Variants in KCNQ1 observed in about 807,000 individuals in gnomAD.
The protein encoded by KCNQ1 is potassium voltage-gated channel subfamily KQT member 1.
KCNQ1 carries 49 observed loss-of-function variants against 72.4 expected under a neutral mutation model. That is an observed-to-expected ratio of 0.68 (90% CI 0.54 to 0.86). The LOEUF is 0.86. KCNQ1 is among the 40% of genes least tolerant of loss of function. The pLI is 0.00. For synonymous variants in KCNQ1, 450 were observed against 412.6 expected, an observed-to-expected ratio of 1.09 and a Z score of -1.10; for missense variants, 790 against 945.1, an observed-to-expected ratio of 0.84 and a Z score of 2.15.
Position 2,458,661 on chromosome 11 carries a change from A to ATGGATGGG in KCNQ1, c.386+13184_386+13185insGTGGATGG. Among the ~76,000 whole-genome samples the ATGGATGGG allele has an allele frequency of 1.1e-5, 1 of 87,988 alleles. No homozygotes were observed. The highest frequency in any genetic ancestry group is 5.9e-3 in the Middle Eastern group (1 of 170). The allele number at this position is 87,988 out of a possible 152,430, so 57.7% of individuals were successfully genotyped here. The stretch of plus-strand genomic sequence containing the variant: ...GATGGATGGATGGATGGATGGATGG[A>ATGGATGGG]TGGATGGATGGATGGATGGATGGAT... On this transcript the variant is annotated intron_variant, in intron 1 of 15. Transcript: ENST00000155840. The surrounding 1 kb of genome is among the most constrained non-coding windows in gnomAD (Gnocchi z 4.6).
Position 2,663,169 on chromosome 11 carries a change from TCA to T in KCNQ1, c.1514+1091_1514+1092del, listed in dbSNP as rs939358550. ...CACTGTCTTTCCAGGCCCCCCCAGT[TCA>T]CAGAGAGGTTGGCAGTACCTCATGG... is the stretch of plus-strand genomic sequence containing the variant. On this transcript the variant is annotated intron_variant, in intron 11 of 15. Transcript: ENST00000155840. The surrounding 1 kb of genome is among the most constrained non-coding windows in gnomAD (Gnocchi z 5.2). 8.5e-5 allele frequency: 34 copies of T among 398,708 alleles called. No individual in the cohort carries two copies. Among genetic ancestry groups the T allele is most frequent in the African/African-American group, 5.1e-4 (25 of 48,730 alleles). The allele number at this position is 398,708 out of a possible 1,614,324, so 24.7% of individuals were successfully genotyped here. A position where few individuals can be genotyped will look rare whatever the true frequency, so the allele number is the denominator to read the frequency against.
intron 1 of KCNQ1, among the ~76,000 whole-genome samples, chr11:2,513,072 G>C (rs1847235422): frequency 6.6e-6 from 1 of 152,100 alleles, no homozygotes; most frequent in Non-Finnish European, 1.5e-5. Flanking sequence ...TTGGAGGAGA[G>C]AGCTCCCGAG....
intron 1 of KCNQ1, among the ~76,000 whole-genome samples, chr11:2,505,516 T>C (rs947585609): frequency 1.8e-4 from 27 of 152,206 alleles, no homozygotes; most frequent in Non-Finnish European, 1.5e-4. Context: ...TCCTCTATTC[T>C]GTAACTTATC....
At chr11:2,470,344 C>G (rs1846426691) in intron 1 of KCNQ1, among the ~76,000 whole-genome samples, 1 of 152,054 alleles carries the variant, frequency 6.6e-6, no homozygotes, top group African/African-American at 2.4e-5. Context: ...AGGGGAGGGG[C>G]ATCAAGTGAG....
At chr11:2,449,875 C>T (rs1323629277) in intron 1 of KCNQ1, among the ~76,000 whole-genome samples, 2 of 152,178 alleles carry the variant, frequency 1.3e-5, no homozygotes, top group Non-Finnish European at 2.9e-5. Flanking sequence ...CACGAGCAAG[C>T]GTCCTCGAGT....
Position 2,651,454 on chromosome 11 carries a change from T to C in KCNQ1, c.1394-10507T>C, listed in dbSNP as rs1328043699. The C allele has an allele frequency of 7.5e-6, 3 of 398,556 alleles. No individual in the cohort carries two copies. The highest frequency in any genetic ancestry group is 2.1e-5 in the African/African-American group (1 of 48,614). The allele number at this position is 398,556 out of a possible 1,614,324, so 24.7% of individuals were successfully genotyped here. On this transcript the variant is annotated intron_variant, in intron 10 of 15. Transcript: ENST00000155840. This position sits in a 1 kb window ranked among gnomAD's most constrained non-coding sequence, Gnocchi z 6.1. Reference sequence around the variant, plus strand: ...CTCAGCAAGTGCCTGAAGTCAGAGGTAGTGCTTATGAAAGTATCTGGTGGG... The same window carrying C: ...CTCAGCAAGTGCCTGAAGTCAGAGGCAGTGCTTATGAAAGTATCTGGTGGG...
At chr11:2,632,223 T>G in intron 10 of KCNQ1, 1 of 398,168 alleles carries the variant, frequency 2.5e-6, no homozygotes, top group Non-Finnish European at 4.4e-6. Flanking sequence ...CTGAATTTTG[T>G]GTACTGACTT....
At chr11:2,551,177 C>A (rs183982133) in intron 2 of KCNQ1, among the ~76,000 whole-genome samples, 1 of 152,290 alleles carries the variant, frequency 6.6e-6, no homozygotes, top group Admixed American at 6.5e-5. Context: ...TTCGATGAGT[C>A]CTGGCAAACA....
At chr11:2,793,058 C>G (rs1445505720) in intron 15 of KCNQ1, among the ~76,000 whole-genome samples, 1 of 152,216 alleles carries the variant, frequency 6.6e-6, no homozygotes. Flanking sequence ...AGGGTGAACA[C>G]CCCGTCAGGG....
chr11:2,487,472 A>G (rs979442184), intron 1 of KCNQ1, among the ~76,000 whole-genome samples: 7 of 152,180 alleles, frequency 4.6e-5, no homozygotes, highest in African/African-American at 1.7e-4. Flanking sequence ...GGTAGTATTG[A>G]TATCTCAACA....
rs181182895 is a variant in KCNQ1, at chr11:2,528,107, A to G, written c.477+89A>G. 7 of 1,109,056 alleles carry G rather than the reference A, an allele frequency of 6.3e-6. No individual in the cohort carries two copies. The African/African-American group carries it at 9.2e-5, about 15-fold the overall frequency. The allele number at this position is 1,109,056 out of a possible 1,614,324, so 68.7% of individuals were successfully genotyped here. A position where few individuals can be genotyped will look rare whatever the true frequency, so the allele number is the denominator to read the frequency against. On this transcript the variant is annotated intron_variant, in intron 2 of 15. Coordinates refer to ENST00000155840, the MANE Select transcript of KCNQ1 (RefSeq NM_000218.3). Reference sequence around the variant, plus strand: ...CGCTGGGCCCCATAAGGTGGGGGGCAGAGCCACTCCCAGCCCCTTGCCCAC... The same window carrying G: ...CGCTGGGCCCCATAAGGTGGGGGGCGGAGCCACTCCCAGCCCCTTGCCCAC...
chr11:2,670,064 G>A lies in KCNQ1; in HGVS notation c.1514+7983G>A. On this transcript the variant is annotated intron_variant, in intron 11 of 15. Coordinates refer to ENST00000155840, the MANE Select transcript of KCNQ1 (RefSeq NM_000218.3). The surrounding 1 kb of genome is among the most constrained non-coding windows in gnomAD (Gnocchi z 4.9). ...CCTAGCACTCACTATTCTGCTCTGG[G>A]GAGGGGGTTGGAGGCAGAATCAGTG... 1 of 398,704 alleles carries A rather than the reference G, an allele frequency of 2.5e-6. No individual in the cohort carries two copies. The highest frequency in any genetic ancestry group is 4.4e-6 in the Non-Finnish European group (1 of 226,128). The allele number at this position is 398,704 out of a possible 1,614,324, so 24.7% of individuals were successfully genotyped here. A position where few individuals can be genotyped will look rare whatever the true frequency, so the allele number is the denominator to read the frequency against.
chr11:2,497,252 A>C lies in KCNQ1; in HGVS notation c.387-30676A>C, dbSNP rs188837908. 6.6e-6 allele frequency among the ~76,000 whole-genome samples: 1 copy of C among 152,216 alleles called. No homozygotes were observed. The highest frequency in any genetic ancestry group is 1.9e-4 in the East Asian group (1 of 5,172). ...GGAAGTTCTCCTGGATAATATCCTGAAGTGTGTTTTCCAACTTGGTTCCAT... is the reference window on the plus strand; with the variant it reads ...GGAAGTTCTCCTGGATAATATCCTGCAGTGTGTTTTCCAACTTGGTTCCAT... On this transcript the variant is annotated intron_variant, in intron 1 of 15. Transcript: ENST00000155840. The surrounding 1 kb of genome is among the most constrained non-coding windows in gnomAD (Gnocchi z 4.5).
rs1045777788 is a variant in KCNQ1, at chr11:2,715,901, A to T, written c.1515-52943A>T. On this transcript the variant is annotated intron_variant, in intron 11 of 15. Transcript: ENST00000155840. This position sits in a 1 kb window ranked among gnomAD's most constrained non-coding sequence, Gnocchi z 4.9. The stretch of plus-strand genomic sequence containing the variant: ...AGAGCTTGGGTGATTGAGTGGGTAG[A>T]GGGGGTGGCCAGAGTGGGAACCATG... Among the ~76,000 whole-genome samples the T allele has an allele frequency of 2.0e-5, 3 of 152,132 alleles. No homozygotes were observed. Among genetic ancestry groups the T allele is most frequent in the Non-Finnish European group, 4.4e-5 (3 of 68,008 alleles).
rs912409856 is a variant in KCNQ1, at chr11:2,516,142, G to A, written c.387-11786G>A. On this transcript the variant is annotated intron_variant, in intron 1 of 15. Transcript: ENST00000155840. The surrounding 1 kb of genome is among the most constrained non-coding windows in gnomAD (Gnocchi z 7.0). ...GTTGTAGTTTTCGGGGTGCTTCGAG[G>A]TGCTGTGGGGACCTGTGATGCTGTC... Among the ~76,000 whole-genome samples, 1 of 152,050 alleles carries A rather than the reference G, an allele frequency of 6.6e-6. No individual in the cohort carries two copies. Among genetic ancestry groups the A allele is most frequent in the Non-Finnish European group, 1.5e-5 (1 of 68,008 alleles).
In KCNQ1 at chr11:2,591,415, G is replaced by A. The variant is rs138033429; in HGVS notation, c.1393+2561G>A. On this transcript the variant is annotated intron_variant, in intron 10 of 15. Transcript: ENST00000155840. ...CCCGACCACATCTCAGTGAGCCCCC[G>A]GGACGTGCTCCCGCCTGCCCGCTGG... is the stretch of plus-strand genomic sequence containing the variant. 5.5e-3 allele frequency among the ~76,000 whole-genome samples: 832 copies of A among 152,346 alleles called. 1 individual carries two copies. Among genetic ancestry groups the A allele is most frequent in the Non-Finnish European group, 8.0e-3 (547 of 68,028 alleles).
chr11:2,634,047 G>T, intron 10 of KCNQ1: 1 of 398,382 alleles, frequency 2.5e-6, no homozygotes, highest in Non-Finnish European at 4.4e-6. Flanking sequence ...TGCCTGCTCA[G>T]TATTGTTTGT....
Position 2,664,623 on chromosome 11 carries a change from C to A in KCNQ1, c.1514+2542C>A, listed in dbSNP as rs1165126190. ...TCCTGCACAGCCCGCCCAGTGATGC[C>A]CATAATTAAATTCGGCTCCAGCTGC... On this transcript the variant is annotated intron_variant, in intron 11 of 15. Transcript: ENST00000155840. The surrounding 1 kb of genome is among the most constrained non-coding windows in gnomAD (Gnocchi z 5.1). 7.5e-6 allele frequency: 3 copies of A among 398,530 alleles called. No individual in the cohort carries two copies. The highest frequency in any genetic ancestry group is 4.4e-5 in the Admixed American group (1 of 22,712). 24.7% of individuals were successfully genotyped at this position (398,530 alleles called of 1,614,324 possible).
rs1847265559 is a variant in KCNQ1 at position 2,515,025 on chromosome 11, T to G, written c.387-12903T>G. Among the ~76,000 whole-genome samples the G allele has an allele frequency of 6.6e-6, 1 of 152,234 alleles. No homozygotes were observed. The highest frequency in any genetic ancestry group is 1.5e-5 in the Non-Finnish European group (1 of 68,044). On this transcript the variant is annotated intron_variant, in intron 1 of 15. Transcript: ENST00000155840. The surrounding 1 kb of genome is among the most constrained non-coding windows in gnomAD (Gnocchi z 4.7). ...TCTGCCTGCTTCCTCAAGTCTTTCT[T>G]GTTTTTTTATGTTATTTTATTTTAG...
Sources: allele counts gnomAD v4.1 joint callset (sites outside exome capture counted in the v4.1 genomes callset), GRCh38; gene constraint gnomAD v4.1.1; non-coding constraint Gnocchi (gnomAD v3.1); transcripts MANE v1.5; gene names NCBI Gene and HGNC (gene_info 2026-07-23, HGNC 2026-07-21).